Variants in IQGAP2 observed in about 807,000 individuals in gnomAD.
The protein encoded by IQGAP2 is IQ motif containing GTPase activating protein 2, also known as ras GTPase-activating-like protein IQGAP2.
A neutral mutation model predicts 201.3 loss-of-function variants in IQGAP2; 173 were observed. The observed-to-expected ratio is 0.86, with a 90% CI of 0.76 to 0.98. The LOEUF is 0.98. Among genes scored for constraint, IQGAP2 ranks in the 50% least tolerant of loss-of-function variants. IQGAP2 has a pLI of 0.00. For missense variants in IQGAP2, 1,687 were observed against 1,864.8 expected (o/e 0.90, Z 1.76); for synonymous variants, 675 against 673.9 (o/e 1.00, Z -0.03).
intron 2 of IQGAP2, among the ~76,000 whole-genome samples, chr5:76,519,917 C>T (rs534008762): frequency 2.0e-5 from 3 of 152,170 alleles, no homozygotes; most frequent in African/African-American, 7.2e-5. Flanking sequence ...GTGAGTTCTT[C>T]GTATATTTGG....
chr5:76,541,019 G>T (rs543924777), intron 2 of IQGAP2, among the ~76,000 whole-genome samples: 1 of 151,898 alleles, frequency 6.6e-6, no homozygotes, highest in South Asian at 2.1e-4. Context: ...TTTTTTTATC[G>T]TGATGAAATA....
At chr5:76,425,297 T>G (rs1016266571) in intron 1 of IQGAP2, among the ~76,000 whole-genome samples, 1 of 152,172 alleles carries the variant, frequency 6.6e-6, no homozygotes, top group Admixed American at 6.5e-5. Flanking sequence ...TCATTAAAAT[T>G]TTATTGCTTG....
chr5:76,587,621 A>G (rs1030546402), intron 5 of IQGAP2, among the ~76,000 whole-genome samples: 1 of 152,134 alleles, frequency 6.6e-6, no homozygotes, highest in Non-Finnish European at 1.5e-5. Flanking sequence ...TACTTTGATC[A>G]TGTATTACTT....
At chr5:76,553,346 G>T (rs989516300) in intron 2 of IQGAP2, among the ~76,000 whole-genome samples, 1 of 152,154 alleles carries the variant, frequency 6.6e-6, no homozygotes, top group Admixed American at 6.5e-5. Flanking sequence ...ATACTTGAAA[G>T]TTCATAGAAC....
chr5:76,509,984 C>CTTTTTTTTTTT (rs11331690), intron 2 of IQGAP2, among the ~76,000 whole-genome samples: 2 of 138,050 alleles, frequency 1.4e-5, no homozygotes, highest in Non-Finnish European at 3.1e-5. Flanking sequence ...AATTTTCTTT[C>CTTTTTTTTTTT]TTTTTTTTTT....
intron 2 of IQGAP2, among the ~76,000 whole-genome samples, chr5:76,485,927 G>T (rs934822626): frequency 6.6e-6 from 1 of 152,110 alleles, no homozygotes; most frequent in Non-Finnish European, 1.5e-5. Flanking sequence ...CACAGCTTTA[G>T]TAGGAAGATT....
chr5:76,407,716 G>T (rs74800824), intron 1 of IQGAP2, among the ~76,000 whole-genome samples: 5,291 of 152,278 alleles, frequency 0.035, 304 homozygotes, highest in African/African-American at 0.11. Context: ...GTTTAAGCTT[G>T]TAATACCGAG....
intron 5 of IQGAP2, among the ~76,000 whole-genome samples, chr5:76,580,203 G>A (rs1745746068): frequency 6.6e-6 from 1 of 152,084 alleles, no homozygotes; most frequent in African/African-American, 2.4e-5. Context: ...TTGAACCTGG[G>A]AGGCGGAGGT....
intron 1 of IQGAP2, among the ~76,000 whole-genome samples, chr5:76,437,400 A>G (rs1180656424): frequency 6.6e-6 from 1 of 152,138 alleles, no homozygotes; most frequent in Non-Finnish European, 1.5e-5. Context: ...GTTCTGGGAT[A>G]TATGTGTGGG....
At chr5:76,560,549 C>T (rs1342811876) in intron 2 of IQGAP2, among the ~76,000 whole-genome samples, 1 of 152,208 alleles carries the variant, frequency 6.6e-6, no homozygotes, top group Non-Finnish European at 1.5e-5. Context: ...TGAGGACTTA[C>T]TGTACTCCAT....
intron 2 of IQGAP2, chr5:76,510,820 GGC>G (rs1580353007): frequency 4.6e-6 from 2 of 433,670 alleles, no homozygotes; most frequent in East Asian, 1.2e-4. Flanking sequence ...AGACACACCT[GGC>G]CTCCAGCAGG....
chr5:76,565,822 G>A (rs1212125493), intron 3 of IQGAP2, among the ~76,000 whole-genome samples: 1 of 152,156 alleles, frequency 6.6e-6, no homozygotes, highest in Non-Finnish European at 1.5e-5. Flanking sequence ...CTCTAAGAAC[G>A]GTGCTCAAGC....
intron 31 of IQGAP2, among the ~76,000 whole-genome samples, chr5:76,694,852 G>A (rs972917391): frequency 6.6e-6 from 1 of 152,202 alleles, no homozygotes; most frequent in Non-Finnish European, 1.5e-5. Flanking sequence ...ACTATCCAAA[G>A]AGTATTCATT....
intron 3 of IQGAP2, among the ~76,000 whole-genome samples, chr5:76,567,445 G>A (rs1358392475): frequency 6.6e-6 from 1 of 152,198 alleles, no homozygotes; most frequent in African/African-American, 2.4e-5. Context: ...GATCCTCAAT[G>A]TAATAACAAC....
intron 2 of IQGAP2, among the ~76,000 whole-genome samples, chr5:76,474,274 CA>C (rs905925576): frequency 5.9e-5 from 9 of 151,968 alleles, no homozygotes; most frequent in African/African-American, 2.2e-4. Flanking sequence ...GTAGAAAGCT[CA>C]AATGAGTCTC....
chr5:76,530,637 G>A (rs954575080), intron 2 of IQGAP2, among the ~76,000 whole-genome samples: 1 of 53,280 alleles, frequency 1.9e-5, no homozygotes, highest in African/African-American at 2.3e-4. Flanking sequence ...CACACAGGAG[G>A]GCTCTTTAAC....
intron 20 of IQGAP2, among the ~76,000 whole-genome samples, chr5:76,655,509 G>A (rs975685332): frequency 1.8e-4 from 27 of 152,176 alleles, no homozygotes; most frequent in African/African-American, 3.6e-4. Context: ...ATGCAGTGGC[G>A]CAATCTTGGC....
At chr5:76,475,582 G>A (rs980979012) in intron 2 of IQGAP2, among the ~76,000 whole-genome samples, 2 of 152,146 alleles carry the variant, frequency 1.3e-5, no homozygotes, top group African/African-American at 2.4e-5. Flanking sequence ...CTGTAAGACC[G>A]GGAATGTGGC....
At chr5:76,613,802 C>A (rs1748629197) in intron 13 of IQGAP2, among the ~76,000 whole-genome samples, 1 of 152,164 alleles carries the variant, frequency 6.6e-6, no homozygotes, top group Non-Finnish European at 1.5e-5. Flanking sequence ...TCAACCGATT[C>A]TCCTGCCTCA....
Sources: allele counts gnomAD v4.1 joint callset (sites outside exome capture counted in the v4.1 genomes callset), GRCh38; gene constraint gnomAD v4.1.1; transcripts MANE v1.5; gene names NCBI Gene and HGNC (gene_info 2026-07-23, HGNC 2026-07-21).